TENM4: variants seen among roughly 807,000 people sequenced by gnomAD.
TENM4 encodes teneurin-4.
TENM4 carries 82 observed loss-of-function variants against 243.3 expected under a neutral mutation model. The ratio of observed to expected loss-of-function variants is 0.34; its 90% CI spans 0.28 to 0.40. TENM4 has a LOEUF of 0.40. Ranked by LOEUF, TENM4 falls within the 10% of genes least tolerant of loss-of-function variation. The pLI is 1.00. For synonymous variants in TENM4, 1,412 were observed against 1,456.3 expected, an observed-to-expected ratio of 0.97 and a Z score of 0.69; for missense variants, 3,138 against 3,673.3, an observed-to-expected ratio of 0.85 and a Z score of 3.77.
At chr11:79,434,863 A>G (rs1859238769) in intron 1 of TENM4, among the ~76,000 whole-genome samples, 1 of 152,222 alleles carries the variant, frequency 6.6e-6, no homozygotes, top group Non-Finnish European at 1.5e-5. Context: ...AGGAAATACT[A>G]AAACTACACA....
rs774311902 is a variant in TENM4 at position 78,858,503 on chromosome 11, G to A, written c.1256-2325C>T. On this transcript the variant is annotated intron_variant, in intron 10 of 33. Transcript: ENST00000278550. ...GAGGGGGAAATGCTAACAGCCTGCT[G>A]ATCACCTTTACCTGAGGGGAAAGAG... 1.9e-4 allele frequency among the ~76,000 whole-genome samples: 29 copies of A among 152,176 alleles called. 1 individual carries two copies. Among genetic ancestry groups the A allele is most frequent in the Admixed American group, 1.9e-3 (29 of 15,284 alleles).
At chr11:79,247,516 G>A (rs963571219) in intron 2 of TENM4, among the ~76,000 whole-genome samples, 6 of 152,050 alleles carry the variant, frequency 3.9e-5, no homozygotes, top group African/African-American at 1.4e-4. Context: ...ACTGCAGAAA[G>A]GGTCTTCATC....
intron 32 of TENM4, among the ~76,000 whole-genome samples, chr11:78,668,210 C>T (rs1322295943): frequency 6.6e-6 from 1 of 152,100 alleles, no homozygotes; most frequent in Non-Finnish European, 1.5e-5. Flanking sequence ...TCCCTCTTTT[C>T]CTGCCCTCTT....
intron 9 of TENM4, among the ~76,000 whole-genome samples, chr11:78,883,561 C>A (rs367681834): frequency 6.6e-6 from 1 of 152,220 alleles, no homozygotes; most frequent in African/African-American, 2.4e-5. Context: ...AATGTAAAGC[C>A]GCTCCTCATT....
chr11:79,064,735 C>A lies in TENM4; in HGVS notation c.493+3G>T. On this transcript the variant is annotated splice_donor_region_variant and intron_variant, in intron 6 of 33. Coordinates refer to ENST00000278550, the MANE Select transcript of TENM4 (RefSeq NM_001098816.3). Reference sequence around the variant, plus strand: ...CCCGGCACAGACCAAACCAGCCACTCACCAGTCTCAGTGTTTTCATGCTCG... The same window carrying A: ...CCCGGCACAGACCAAACCAGCCACTAACCAGTCTCAGTGTTTTCATGCTCG... 1 of 1,551,650 alleles carries A rather than the reference C, an allele frequency of 6.4e-7. No individual in the cohort carries two copies. The highest frequency in any genetic ancestry group is 1.2e-5 in the South Asian group (1 of 84,014).
intron 1 of TENM4, among the ~76,000 whole-genome samples, chr11:79,435,044 A>T (rs1345061612): frequency 6.6e-6 from 1 of 152,214 alleles, no homozygotes; most frequent in Non-Finnish European, 1.5e-5. Context: ...AAAGTTTTGC[A>T]TGCTTTATCA....
At chr11:78,928,970 T>A (rs1856611602) in intron 6 of TENM4, among the ~76,000 whole-genome samples, 2 of 152,190 alleles carry the variant, frequency 1.3e-5, no homozygotes, top group African/African-American at 4.8e-5. Flanking sequence ...ACTGGCAGAA[T>A]GAACGAGAGC....
At chr11:78,662,009 A>G (rs1294550068) in intron 32 of TENM4, among the ~76,000 whole-genome samples, 1 of 152,126 alleles carries the variant, frequency 6.6e-6, no homozygotes, top group Non-Finnish European at 1.5e-5. Flanking sequence ...GCAAAGAGAC[A>G]ATTCACTTAA....
intron 6 of TENM4, among the ~76,000 whole-genome samples, chr11:78,968,063 T>C (rs1426277516): frequency 1.3e-5 from 2 of 152,172 alleles, no homozygotes; most frequent in Non-Finnish European, 2.9e-5. Flanking sequence ...TGGAAATGAA[T>C]CAGTTCTTGC....
At chr11:78,805,530 G>T in intron 14 of TENM4, 38 bp from the exon 15 acceptor site, 1 of 1,547,626 alleles carries the variant, frequency 6.5e-7, no homozygotes, top group South Asian at 1.2e-5. Flanking sequence ...GTAAGCATCT[G>T]ACCAGCAAAG....
chr11:79,108,522 T>A lies in TENM4; in HGVS notation c.-65-38513A>T, dbSNP rs371952674. ...GTGTGTGTGTGTATATATATATATG[T>A]AGAACATATATATGTAGGTATACAT... On this transcript the variant is annotated intron_variant, in intron 4 of 33. Coordinates refer to ENST00000278550, the MANE Select transcript of TENM4 (RefSeq NM_001098816.3). 2.1e-3 allele frequency among the ~76,000 whole-genome samples: 315 copies of A among 152,232 alleles called. 13 individuals are homozygous for A. In the South Asian group the frequency reaches 0.063, roughly 30 times the overall value.
chr11:78,871,684 C>T (rs1859133490), intron 9 of TENM4, among the ~76,000 whole-genome samples: 1 of 152,164 alleles, frequency 6.6e-6, no homozygotes, highest in Non-Finnish European at 1.5e-5. Context: ...CTTGTTCTTC[C>T]ATCAGGCGCT....
chr11:78,712,744 A>G, intron 25 of TENM4, 30 bp from the exon 26 acceptor site: 6 of 1,599,584 alleles, frequency 3.8e-6, no homozygotes, highest in Non-Finnish European at 5.1e-6. Flanking sequence ...CCAACTGGTG[A>G]GCATTTTCTT....
At position 78,942,296 on chromosome 11, in the gene TENM4, A is replaced by T. The variant is rs1227062961; in HGVS notation, c.494-38773T>A. ...AAAAAAAAAAAAAAAAAAAAAAAAA[A>T]AAAAGCTGGGCATGGTGGCATGCGC... On this transcript the variant is annotated intron_variant, in intron 6 of 33. Transcript: ENST00000278550. Among the ~76,000 whole-genome samples the T allele has an allele frequency of 5.9e-5, 8 of 135,616 alleles. No homozygotes were observed. The East Asian group carries it at 1.9e-3, about 32-fold the overall frequency. The allele number at this position is 135,616 out of a possible 152,430, so 89.0% of individuals were successfully genotyped here.
At chr11:79,326,803 C>A (rs1856982267) in intron 1 of TENM4, among the ~76,000 whole-genome samples, 1 of 152,200 alleles carries the variant, frequency 6.6e-6, no homozygotes, top group Non-Finnish European at 1.5e-5. Flanking sequence ...AGGCAGACAC[C>A]TTCTTTTGGG....
intron 2 of TENM4, among the ~76,000 whole-genome samples, chr11:79,252,874 C>T (rs1247520703): frequency 2.0e-5 from 3 of 152,194 alleles, no homozygotes; most frequent in Non-Finnish European, 4.4e-5. Context: ...GACCCCAGCT[C>T]ACTCCCAGAC....
intron 4 of TENM4, among the ~76,000 whole-genome samples, chr11:79,091,536 T>C (rs1301673724): frequency 1.3e-5 from 2 of 152,178 alleles, no homozygotes; most frequent in African/African-American, 4.8e-5. Flanking sequence ...CTCAGAACCT[T>C]AAATGGTTCT....
chr11:79,356,008 A>G (rs2135485250), intron 1 of TENM4, among the ~76,000 whole-genome samples: 1 of 152,320 alleles, frequency 6.6e-6, no homozygotes, highest in East Asian at 1.9e-4. Context: ...ACTTAGGTCT[A>G]CTGCCTCGAG....
intron 17 of TENM4, among the ~76,000 whole-genome samples, chr11:78,773,253 G>C (rs938944520): frequency 6.6e-6 from 1 of 152,202 alleles, no homozygotes; most frequent in Non-Finnish European, 1.5e-5. Context: ...TCTTACGTAA[G>C]AGCACAAGCT....
Sources: gnomAD v4.1 joint callset for allele counts (sites outside exome capture counted in the v4.1 genomes callset) on GRCh38, gnomAD v4.1.1 for gene constraint, MANE v1.5 for transcripts, NCBI Gene and HGNC (gene_info 2026-07-23, HGNC 2026-07-21) for gene names.